Variants in CROCC2 observed in about 807,000 individuals in gnomAD.
The protein encoded by CROCC2 is ciliary rootlet coiled-coil protein 2.
CROCC2 carries 163 observed loss-of-function variants against 177.6 expected under a neutral mutation model. The observed-to-expected ratio is 0.92, with a 90% confidence interval of 0.81 to 1.05. CROCC2 has a LOEUF of 1.05. CROCC2 is among the 50% of genes least tolerant of loss of function. CROCC2 has a pLI of 0.00. For missense variants in CROCC2, 1,929 were observed against 1,797.8 expected (o/e 1.07, Z -1.32); for synonymous variants, 904 against 787.3 (o/e 1.15, Z -2.48).
At chr2:240,988,235 CG>C (rs2059853363) in intron 28 of CROCC2, among the ~76,000 whole-genome samples, 1 of 152,054 alleles carries the variant, frequency 6.6e-6, no homozygotes, top group African/African-American at 2.4e-5. Context: ...GGAGGACAGA[CG>C]GTGGGGATAG....
chr2:240,992,355 C>T (rs1342514814), intron 31 of CROCC2, among the ~76,000 whole-genome samples: 2 of 152,206 alleles, frequency 1.3e-5, no homozygotes, highest in Admixed American at 1.3e-4. Flanking sequence ...CGGCCCCCAC[C>T]CCATCACAGT....
At chr2:240,912,188 C>T (rs2059293007) in intron 1 of CROCC2, among the ~76,000 whole-genome samples, 1 of 152,152 alleles carries the variant, frequency 6.6e-6, no homozygotes, top group Non-Finnish European at 1.5e-5. Flanking sequence ...CTTTTAACAC[C>T]AAATGTGTGG....
intron 1 of CROCC2, among the ~76,000 whole-genome samples, chr2:240,915,825 TGAA>T (rs938498679): frequency 3.3e-5 from 5 of 152,074 alleles, no homozygotes; most frequent in African/African-American, 1.2e-4. Flanking sequence ...CAGGTTGAGC[TGAA>T]GAAGGTGCTG....
chr2:240,965,686 C>T lies in CROCC2; in HGVS notation c.3654C>T (p.Ala1218=). The change falls in exon 24 of 32, where the codon GCC becomes GCT. Residue 1218 remains alanine, a synonymous_variant. Coordinates refer to ENST00000690015, the MANE Select transcript of CROCC2 (RefSeq NM_001351305.2). ...CAGAGGTGGAGGCCGCAGGGGAGGCCCATGGACAGCGGCTCCAGGAGCACC... is the reference window on the plus strand; with the variant it reads ...CAGAGGTGGAGGCCGCAGGGGAGGCTCATGGACAGCGGCTCCAGGAGCACC... ...KLAEVEAAGE[A]HGQRLQEHLR... 8 of 1,550,352 alleles carry T rather than the reference C, an allele frequency of 5.2e-6. No homozygotes were observed. Among genetic ancestry groups the T allele is most frequent in the Non-Finnish European group, 6.1e-6 (7 of 1,146,900 alleles).
At position 240,958,270 on chromosome 2, in the gene CROCC2, C is replaced by A; in HGVS notation, c.2944-1031C>A. 1 of 872,828 alleles carries A rather than the reference C, an allele frequency of 1.1e-6. No homozygotes were observed. The highest frequency in any genetic ancestry group is 1.4e-6 in the Non-Finnish European group (1 of 726,912). 54.1% of individuals were successfully genotyped at this position (872,828 alleles called of 1,614,324 possible). ...AGGCCCTCACAGGGGTATCCTGCAG[C>A]CAGGCCTCAGGGGCACCCATCACTG... On this transcript the variant is annotated intron_variant, in intron 19 of 31. Transcript: ENST00000690015. The surrounding 1 kb of genome is among the most constrained non-coding windows in gnomAD (Gnocchi z 6.7).
At chr2:240,930,087 A>T (rs564445475) in intron 5 of CROCC2, 79 bp from the exon 6 acceptor site, 1 of 520,008 alleles carries the variant, frequency 1.9e-6, no homozygotes, top group South Asian at 3.5e-5. Flanking sequence ...GGAGAGGGAC[A>T]TGCACTTGGA....
chr2:240,968,667 G>A (rs932234607), intron 27 of CROCC2, among the ~76,000 whole-genome samples: 21 of 152,222 alleles, frequency 1.4e-4, no homozygotes, highest in African/African-American at 5.1e-4. Context: ...CTCTTTATAG[G>A]GTCACACTGT....
Position 240,906,912 on chromosome 2 carries a change from C to T in CROCC2, c.78+321C>T, listed in dbSNP as rs376960258. ...GCGGGGTGGAGAGAGAGCCCGGGGC[C>T]GCTGCTGGCTGTGGATGCTCAGGTG... On this transcript the variant is annotated intron_variant, in intron 1 of 31. Coordinates refer to ENST00000690015, the MANE Select transcript of CROCC2 (RefSeq NM_001351305.2). 1.0e-4 allele frequency among the ~76,000 whole-genome samples: 15 copies of T among 149,450 alleles called. No individual in the cohort carries two copies. In the East Asian group the frequency reaches 2.0e-3, roughly 20 times the overall value.
intron 14 of CROCC2, among the ~76,000 whole-genome samples, chr2:240,936,609 G>A (rs2059472617): frequency 6.6e-6 from 1 of 152,144 alleles, no homozygotes; most frequent in Non-Finnish European, 1.5e-5. Context: ...CATTTGGATT[G>A]TCCAGCAACA....
chr2:240,971,615 C>A (rs773988358), intron 27 of CROCC2, among the ~76,000 whole-genome samples: 1 of 152,038 alleles, frequency 6.6e-6, no homozygotes, highest in African/African-American at 2.4e-5. Context: ...GTGGGCGTGT[C>A]GGCCCCTTTC....
At position 240,960,454 on chromosome 2, in the gene CROCC2, C is replaced by A. The variant is rs537894759; in HGVS notation, c.3087+1010C>A. On this transcript the variant is annotated intron_variant, in intron 20 of 31. Coordinates refer to ENST00000690015, the MANE Select transcript of CROCC2 (RefSeq NM_001351305.2). This position sits in a 1 kb window ranked among gnomAD's most constrained non-coding sequence, Gnocchi z 5.0. ...GTGGCCAGGGCTAGGCTCACCTGGG[C>A]TCAGCGGGCAGGCAGATTGGAGAGG... Among the ~76,000 whole-genome samples, 1 of 151,526 alleles carries A rather than the reference C, an allele frequency of 6.6e-6. No individual in the cohort carries two copies. The highest frequency in any genetic ancestry group is 1.5e-5 in the Non-Finnish European group (1 of 67,876).
intron 5 of CROCC2, among the ~76,000 whole-genome samples, chr2:240,928,857 A>C (rs115396073): frequency 0.036 from 4,551 of 125,552 alleles, 217 homozygotes; most frequent in African/African-American, 0.11. Flanking sequence ...ACAGAGGGGC[A>C]TGCCCTCTGG....
chr2:240,930,400 C>G, intron 6 of CROCC2, 131 bp downstream of exon 6: 1 of 427,526 alleles, frequency 2.3e-6, no homozygotes, highest in East Asian at 3.5e-5. Context: ...GCCGGCTTCT[C>G]ACCCAGCCCT....
At chr2:240,937,824 G>C (rs775233488) in intron 14 of CROCC2, among the ~76,000 whole-genome samples, 93 of 152,250 alleles carry the variant, frequency 6.1e-4, no homozygotes, top group Non-Finnish European at 9.1e-4. Flanking sequence ...TTTGTTCATG[G>C]GGCCAGATTT....
At chr2:240,974,074 A>G (rs1480358099) in intron 27 of CROCC2, among the ~76,000 whole-genome samples, 1 of 152,220 alleles carries the variant, frequency 6.6e-6, no homozygotes, top group East Asian at 1.9e-4. Context: ...AGACCTGCAC[A>G]TACGTCTGCT....
intron 19 of CROCC2, chr2:240,957,616 C>A (rs905473973): frequency 6.6e-6 from 1 of 152,280 alleles, no homozygotes; most frequent in African/African-American, 2.4e-5. Flanking sequence ...CGGGAGAGGG[C>A]GCTGCAATGA....
In CROCC2 at chr2:240,963,604, G is replaced by A. The variant is rs966827808; in HGVS notation, c.3136G>A (p.Ala1046Thr). The part of the protein sequence containing the change: ...QLTVAQEGLA[A>T]LRQELQGVEE... ...GACCGTGGCCCAGGAGGGACTGGCC[G>A]CACTGCGCCAGGAGCTGCAGGGCGT... The change falls in exon 21 of 32, where the codon GCA (alanine) becomes ACA (threonine). Residue 1046 changes from alanine (A) to threonine (T), a missense_variant. Around this residue, in one of 3 missense-constraint regions of CROCC2, gnomAD observed 1,397 missense variants for 1,239.9 expected, o/e 1.13. Coordinates refer to ENST00000690015, the MANE Select transcript of CROCC2 (RefSeq NM_001351305.2). 2.4e-5 allele frequency: 37 copies of A among 1,547,602 alleles called. 1 individual carries two copies. The highest frequency in any genetic ancestry group is 1.2e-4 in the African/African-American group (9 of 72,936).
intron 3 of CROCC2, among the ~76,000 whole-genome samples, chr2:240,921,690 C>T (rs78087691): frequency 0.031 from 4,679 of 152,282 alleles, 230 homozygotes; most frequent in African/African-American, 0.11. Context: ...GAGTGCCTGA[C>T]CATGGCATCT....
intron 11 of CROCC2, 94 bp downstream of exon 11, chr2:240,933,946 T>C: frequency 7.5e-7 from 1 of 1,330,404 alleles, no homozygotes; most frequent in East Asian, 2.5e-5. Flanking sequence ...ACGGGTCTGC[T>C]TTTTCACCTG....
Sources: gnomAD v4.1 joint callset for allele counts (sites outside exome capture counted in the v4.1 genomes callset) on GRCh38, gnomAD v4.1.1 for gene constraint, gnomAD v4.1.1 regional missense constraint, Gnocchi (gnomAD v3.1) non-coding constraint, MANE v1.5 for transcripts, NCBI Gene and HGNC (gene_info 2026-07-23, HGNC 2026-07-21) for gene names.